The following AMBP variants were observed in gnomAD, a reference collection of about 807,000 sequenced individuals.
The protein encoded by AMBP is protein AMBP.
A neutral mutation model predicts 46.3 loss-of-function variants in AMBP; 37 were observed. The ratio of observed to expected loss-of-function variants is 0.80; its 90% CI spans 0.61 to 1.05. The LOEUF (loss-of-function observed/expected upper bound fraction) is 1.05. Ranked by LOEUF, AMBP falls within the 50% of genes least tolerant of loss-of-function variation. The pLI, the probability that AMBP is intolerant of heterozygous loss-of-function variation, is 0.00. For synonymous variants in AMBP, 174 were observed against 175.9 expected (o/e 0.99, Z 0.09); for missense variants, 475 against 461.2 (o/e 1.03, Z -0.27).
At chr9:114,075,975 T>C (rs1846802859) in intron 2 of AMBP, among the ~76,000 whole-genome samples, 1 of 152,084 alleles carries the variant, frequency 6.6e-6, no homozygotes, top group Non-Finnish European at 1.5e-5. Context: ...GCAGAGTGTG[T>C]GGCAGGAGTT....
At chr9:114,076,332 G>A (rs1846806504) in intron 2 of AMBP, among the ~76,000 whole-genome samples, 2 of 152,008 alleles carry the variant, frequency 1.3e-5, no homozygotes, top group African/African-American at 4.8e-5. Context: ...GGTCCCTGGG[G>A]GGCTGAAGTA....
At chr9:114,069,157 CAA>C (rs977679938) in intron 6 of AMBP, among the ~76,000 whole-genome samples, 3 of 151,678 alleles carry the variant, frequency 2.0e-5, no homozygotes, top group African/African-American at 4.8e-5. Flanking sequence ...TAATCAGAGA[CAA>C]GAGAATGAAG....
intron 6 of AMBP, among the ~76,000 whole-genome samples, chr9:114,065,520 C>G (rs977923281): frequency 2.6e-5 from 4 of 152,168 alleles, no homozygotes; most frequent in Non-Finnish European, 5.9e-5. Flanking sequence ...AACTGTGAGA[C>G]AGCAAATCTG....
At chr9:114,076,115 AGGGGAT>A (rs1381326822) in intron 2 of AMBP, among the ~76,000 whole-genome samples, 1 of 151,764 alleles carries the variant, frequency 6.6e-6, no homozygotes, top group Non-Finnish European at 1.5e-5. Flanking sequence ...CTGGGTGAAG[AGGGGAT>A]GGGGTGGAAG....
At chr9:114,062,821 C>T (rs1846655966) in intron 6 of AMBP, 63 bp from the exon 7 acceptor site, 7 of 1,487,148 alleles carry the variant, frequency 4.7e-6, no homozygotes, top group Admixed American at 1.7e-5. Context: ...TTTCCTGTAC[C>T]CCTGGAATAT....
intron 9 of AMBP, 101 bp from the exon 10 acceptor site, chr9:114,060,371 C>T: frequency 8.2e-7 from 1 of 1,219,424 alleles, no homozygotes; most frequent in South Asian, 1.3e-5. Flanking sequence ...CTTGCTGAAT[C>T]ATTTATCTCC....
chr9:114,068,119 AG>A (rs1187811527), intron 6 of AMBP, among the ~76,000 whole-genome samples: 2 of 152,224 alleles, frequency 1.3e-5, no homozygotes, highest in Non-Finnish European at 2.9e-5. Flanking sequence ...TCTCAAAGGG[AG>A]TGCTCCTGTC....
chr9:114,073,313 C>A (rs1846765600), intron 4 of AMBP, among the ~76,000 whole-genome samples: 2 of 150,620 alleles, frequency 1.3e-5, no homozygotes, highest in African/African-American at 4.9e-5. Context: ...GTGGCGTGAT[C>A]TCAGCTCACT....
Position 114,060,192 on chromosome 9 carries a change from C to T in AMBP, c.*47G>A, listed in dbSNP as rs762223977. 1 of 1,597,560 alleles carries T rather than the reference C, an allele frequency of 6.3e-7. No homozygotes were observed. The highest frequency in any genetic ancestry group is 1.7e-5 in the Admixed American group (1 of 58,534). On this transcript the variant is annotated 3_prime_UTR_variant, in exon 10 of 10. Transcript: ENST00000265132. ...TGCTTGGCGCTGCCTGCCACAGGAC[C>T]CCGGGACAGACACTGGCCATCCTCT...
Position 114,069,892 on chromosome 9 carries a change from G to A in AMBP, c.557-147C>T. On this transcript the variant is annotated intron_variant, in intron 5 of 9. Transcript: ENST00000265132. The stretch of plus-strand genomic sequence containing the variant: ...ATGAATGGTCCTGCCTGTGTGGCTT[G>A]CTCAAGGCCATTCACTGGAAAAGCA... 5.4e-6 allele frequency: 4 copies of A among 745,766 alleles called. No homozygotes were observed. In the African/African-American group the frequency reaches 6.9e-5, roughly 13 times the overall value. The allele number at this position is 745,766 out of a possible 1,614,324, so 46.2% of individuals were successfully genotyped here.
At chr9:114,066,109 G>T (rs1846690550) in intron 6 of AMBP, among the ~76,000 whole-genome samples, 1 of 152,170 alleles carries the variant, frequency 6.6e-6, no homozygotes, top group Admixed American at 6.5e-5. Flanking sequence ...CAACACAGGG[G>T]TATTAGGGCT....
intron 1 of AMBP, 68 bp downstream of exon 1, chr9:114,078,025 C>T (rs1846832937): frequency 1.3e-6 from 2 of 1,523,752 alleles, no homozygotes; most frequent in Non-Finnish European, 1.8e-6. Context: ...CGCACTTGCC[C>T]AGCAGGGCCC....
intron 8 of AMBP, 47 bp from the exon 9 acceptor site, chr9:114,061,145 C>A: frequency 6.3e-7 from 1 of 1,599,308 alleles, no homozygotes; most frequent in Non-Finnish European, 8.5e-7. Context: ...CTTGTGACTG[C>A]TGATCAGACA....
At chr9:114,061,351 A>G (rs778669022) in intron 8 of AMBP, 73 bp downstream of exon 8, 3 of 1,602,526 alleles carry the variant, frequency 1.9e-6, no homozygotes, top group Admixed American at 1.7e-5. Context: ...TACCTTTTCA[A>G]TTCGCAGGTG....
At chr9:114,073,082 G>A (rs1846763161) in intron 4 of AMBP, 56 bp from the exon 5 acceptor site, 3 of 1,479,990 alleles carry the variant, frequency 2.0e-6, no homozygotes, top group South Asian at 1.2e-5. Flanking sequence ...GGAGTGGAAG[G>A]GCCTGAAATG....
At chr9:114,069,600 T>C (rs1233445520) in intron 6 of AMBP, 99 bp downstream of exon 6, 1 of 1,189,952 alleles carries the variant, frequency 8.4e-7, no homozygotes, top group Non-Finnish European at 1.2e-6. Context: ...CCCCTCCCCA[T>C]GACTCTGCCT....
At chr9:114,074,835 G>A (rs1422801413) in intron 3 of AMBP, 125 bp downstream of exon 3, 4 of 779,340 alleles carry the variant, frequency 5.1e-6, no homozygotes, top group Non-Finnish European at 8.7e-6. Flanking sequence ...GGAGTTGTTT[G>A]GGGGAAGGCT....
intron 4 of AMBP, among the ~76,000 whole-genome samples, chr9:114,073,755 T>C (rs1184491754): frequency 6.6e-6 from 1 of 152,174 alleles, no homozygotes; most frequent in Non-Finnish European, 1.5e-5. Flanking sequence ...TGCCTTGGCC[T>C]CTCAAAGTGT....
In AMBP at chr9:114,065,975, G is replaced by A. The variant is rs115104566; in HGVS notation, c.604-3217C>T. On this transcript the variant is annotated intron_variant, in intron 6 of 9. Coordinates refer to ENST00000265132, the MANE Select transcript of AMBP (RefSeq NM_001633.4). ...ACTACCTGGATTTCCCTCAGCAATG[G>A]ATGTACTTTCTCAGTCGCTGGCAGT... 8.8e-3 allele frequency among the ~76,000 whole-genome samples: 1,340 copies of A among 152,302 alleles called. 27 individuals carry two copies. Among genetic ancestry groups the A allele is most frequent in the African/African-American group, 0.031 (1,271 of 41,564 alleles).
Sources: gnomAD v4.1 joint callset for allele counts (sites outside exome capture counted in the v4.1 genomes callset) on GRCh38, gnomAD v4.1.1 for gene constraint, MANE v1.5 for transcripts, NCBI Gene and HGNC (gene_info 2026-07-23, HGNC 2026-07-21) for gene names.